BAALC: variants seen among roughly 807,000 people sequenced by gnomAD.
BAALC encodes the protein BAALC binder of MAP3K1 and KLF4.
Under a neutral mutation model 15.5 loss-of-function variants are expected in BAALC, and 9 were observed. The ratio of observed to expected loss-of-function variants is 0.58; its 90% CI spans 0.35 to 1.02. The LOEUF is 1.02. Among genes scored for constraint, BAALC ranks in the 50% least tolerant of loss-of-function variants. The pLI, the probability that BAALC is intolerant of heterozygous loss-of-function variation, is 0.02. For synonymous variants in BAALC, 80 were observed against 74.6 expected, an observed-to-expected ratio of 1.07 and a Z score of -0.37; for missense variants, 201 against 192.4, an observed-to-expected ratio of 1.04 and a Z score of -0.27.
At chr8:103,180,203 A>C (rs777356774) in intron 1 of BAALC, among the ~76,000 whole-genome samples, 2 of 152,190 alleles carry the variant, frequency 1.3e-5, no homozygotes, top group African/African-American at 2.4e-5. Flanking sequence ...TGAGATGGAG[A>C]AATTAAGACA....
intron 1 of BAALC, among the ~76,000 whole-genome samples, chr8:103,196,420 A>G (rs1054351474): frequency 3.3e-5 from 5 of 152,102 alleles, no homozygotes; most frequent in African/African-American, 1.2e-4. Flanking sequence ...AGCTGGGACT[A>G]CGGGCATGCA....
At chr8:103,144,683 A>G (rs1810844685) in intron 1 of BAALC, among the ~76,000 whole-genome samples, 1 of 152,238 alleles carries the variant, frequency 6.6e-6, no homozygotes, top group South Asian at 2.1e-4. Context: ...TTCTCCAGAG[A>G]AAACATTTCA....
At chr8:103,181,494 G>A (rs1048131229) in intron 1 of BAALC, among the ~76,000 whole-genome samples, 5 of 152,004 alleles carry the variant, frequency 3.3e-5, no homozygotes, top group Non-Finnish European at 5.9e-5. Context: ...GGATGGTCTC[G>A]ATCTCCTGAC....
intron 1 of BAALC, among the ~76,000 whole-genome samples, chr8:103,207,652 C>A (rs951774775): frequency 6.6e-6 from 1 of 152,072 alleles, no homozygotes; most frequent in South Asian, 2.1e-4. Context: ...AGGCAAATGG[C>A]AGGGGGAGGG....
intron 1 of BAALC, among the ~76,000 whole-genome samples, chr8:103,148,811 C>T (rs768169104): frequency 4.6e-5 from 7 of 152,178 alleles, no homozygotes; most frequent in Non-Finnish European, 1.0e-4. Context: ...ACACTGTGAA[C>T]ATTTGGAAAT....
chr8:103,193,315 T>C (rs1317603187), intron 1 of BAALC, among the ~76,000 whole-genome samples: 1 of 152,218 alleles, frequency 6.6e-6, no homozygotes, highest in Non-Finnish European at 1.5e-5. Flanking sequence ...GTTGGCCTCC[T>C]GGGGCCCCTT....
intron 1 of BAALC, among the ~76,000 whole-genome samples, chr8:103,151,272 C>T (rs1810980763): frequency 6.6e-6 from 1 of 152,124 alleles, no homozygotes; most frequent in Non-Finnish European, 1.5e-5. Flanking sequence ...CTGCTTTGGC[C>T]TCCCAAAGTG....
At chr8:103,169,461 G>T (rs1012893354) in intron 1 of BAALC, among the ~76,000 whole-genome samples, 2 of 152,130 alleles carry the variant, frequency 1.3e-5, no homozygotes, top group African/African-American at 2.4e-5. Context: ...TGAACTGTTG[G>T]CTTGTATTTA....
At chr8:103,173,333 C>T (rs561183476) in intron 1 of BAALC, among the ~76,000 whole-genome samples, 6 of 152,244 alleles carry the variant, frequency 3.9e-5, no homozygotes, top group African/African-American at 7.2e-5. Flanking sequence ...AGCTTTCATC[C>T]GTGATGCCAT....
At chr8:103,227,600 C>A (rs569589121) in intron 2 of BAALC, among the ~76,000 whole-genome samples, 87 of 152,082 alleles carry the variant, frequency 5.7e-4, no homozygotes, top group Non-Finnish European at 1.0e-3. Flanking sequence ...TTTCTTTTAT[C>A]TTATGTAAAA....
intron 2 of BAALC, among the ~76,000 whole-genome samples, chr8:103,227,203 G>A (rs1330367620): frequency 1.3e-5 from 2 of 152,190 alleles, no homozygotes; most frequent in East Asian, 1.9e-4. Flanking sequence ...GTGTATTTGT[G>A]ATAATCTCAA....
intron 2 of BAALC, among the ~76,000 whole-genome samples, chr8:103,222,480 A>G (rs954609719): frequency 5.9e-5 from 9 of 152,232 alleles, no homozygotes; most frequent in Non-Finnish European, 8.8e-5. Context: ...TATGGTTTGT[A>G]GGTTATGACT....
intron 1 of BAALC, chr8:103,183,591 C>T (rs1039001688): frequency 3.4e-5 from 21 of 626,750 alleles, no homozygotes; most frequent in Admixed American, 2.6e-4. Context: ...GCATATTTTC[C>T]GGCAGTGGGT....
intron 1 of BAALC, among the ~76,000 whole-genome samples, chr8:103,153,870 T>C (rs184734544): frequency 2.9e-4 from 44 of 152,158 alleles, no homozygotes; most frequent in African/African-American, 9.2e-4. Context: ...TTGCAGAAAA[T>C]AGCAGGGCAG....
chr8:103,141,029 C>A lies in BAALC; in HGVS notation c.132C>A (p.Ser44Arg). The change falls in exon 1 of 3, where the codon AGC (serine) becomes AGA (arginine). Residue 44 changes from serine to arginine, a missense_variant. Ser to Arg is a moderately radical substitution (Grantham distance 110). Coordinates refer to ENST00000309982, the MANE Select transcript of BAALC (RefSeq NM_024812.3). ...DAPPSAAAPD[S>R]GPEAGGLHSG... Reference sequence around the variant, plus strand: ...CGCCCAGCGCCGCCGCCCCGGACAGCGGCCCCGAAGCGGGCGGCCTGCACT... The same window carrying A: ...CGCCCAGCGCCGCCGCCCCGGACAGAGGCCCCGAAGCGGGCGGCCTGCACT... 5 of 1,511,038 alleles carry A rather than the reference C, an allele frequency of 3.3e-6. No homozygotes were observed. The highest frequency in any genetic ancestry group is 4.4e-6 in the Non-Finnish European group (5 of 1,129,812). The allele number at this position is 1,511,038 out of a possible 1,614,324, so 93.6% of individuals were successfully genotyped here. A position where few individuals can be genotyped will look rare whatever the true frequency, so the allele number is the denominator to read the frequency against.
At chr8:103,144,642 A>C (rs1188316979) in intron 1 of BAALC, among the ~76,000 whole-genome samples, 1 of 152,184 alleles carries the variant, frequency 6.6e-6, no homozygotes, top group Non-Finnish European at 1.5e-5. Flanking sequence ...AGCCCCAAAA[A>C]TTGCATCCTT....
intron 1 of BAALC, among the ~76,000 whole-genome samples, chr8:103,198,749 C>CA (rs80162049): frequency 0.027 from 3,691 of 137,954 alleles, 142 homozygotes; most frequent in Admixed American, 0.12. Flanking sequence ...ATTAAAAATA[C>CA]AAAAAAAAAA....
At chr8:103,198,286 T>C (rs1812139650) in intron 1 of BAALC, 2 of 545,644 alleles carry the variant, frequency 3.7e-6, no homozygotes, top group Non-Finnish European at 6.5e-6. Context: ...GATGATTAAA[T>C]GTGATATAAT....
chr8:103,159,777 T>G (rs1172533635), intron 1 of BAALC, among the ~76,000 whole-genome samples: 1 of 152,114 alleles, frequency 6.6e-6, no homozygotes, highest in Non-Finnish European at 1.5e-5. Context: ...TTTTATAGGC[T>G]CATTCTTTTA....
Sources: gnomAD v4.1 joint callset for allele counts (sites outside exome capture counted in the v4.1 genomes callset) on GRCh38, gnomAD v4.1.1 for gene constraint, MANE v1.5 for transcripts, NCBI Gene and HGNC (gene_info 2026-07-23, HGNC 2026-07-21) for gene names.